The following NKAIN2 variants were observed in gnomAD, a reference collection of about 807,000 sequenced individuals.
NKAIN2 encodes sodium/potassium-transporting ATPase subunit beta-1-interacting protein 2.
A neutral mutation model predicts 32.6 loss-of-function variants in NKAIN2; 14 were observed. The observed-to-expected ratio is 0.43, with a 90% CI of 0.28 to 0.67. The LOEUF (loss-of-function observed/expected upper bound fraction) is 0.67, where lower values mean the gene tolerates loss of function less well. Ranked by LOEUF, NKAIN2 falls within the 30% of genes least tolerant of loss-of-function variation. NKAIN2 has a pLI of 0.17. For missense variants in NKAIN2, 198 were observed against 258.3 expected, an observed-to-expected ratio of 0.77 and a Z score of 1.60; for synonymous variants, 80 against 87.2, an observed-to-expected ratio of 0.92 and a Z score of 0.46.
At chr6:124,375,555 A>G (rs1036992508) in intron 3 of NKAIN2, among the ~76,000 whole-genome samples, 3 of 151,740 alleles carry the variant, frequency 2.0e-5, no homozygotes, top group African/African-American at 7.2e-5. Flanking sequence ...GCTCACCCAG[A>G]AAGTTCTCAC....
chr6:124,149,374 G>T (rs1787583352), intron 1 of NKAIN2, among the ~76,000 whole-genome samples: 1 of 152,228 alleles, frequency 6.6e-6, no homozygotes, highest in Middle Eastern at 3.4e-3. Flanking sequence ...AGATCACAAA[G>T]ATTTGCTCCC....
chr6:124,139,237 C>G (rs1298189268), intron 1 of NKAIN2, among the ~76,000 whole-genome samples: 2 of 149,060 alleles, frequency 1.3e-5, no homozygotes, highest in Non-Finnish European at 3.0e-5. Flanking sequence ...TACAGGCGCC[C>G]GCCACCGCGC....
intron 4 of NKAIN2, among the ~76,000 whole-genome samples, chr6:124,727,426 T>A (rs1776385775): frequency 6.6e-6 from 1 of 150,918 alleles, no homozygotes; most frequent in Non-Finnish European, 1.5e-5. Flanking sequence ...GAAAAGAATT[T>A]TCAACCCAGA....
At chr6:123,910,627 C>T (rs751304745) in intron 1 of NKAIN2, among the ~76,000 whole-genome samples, 1 of 151,344 alleles carries the variant, frequency 6.6e-6, no homozygotes, top group Admixed American at 6.6e-5. Flanking sequence ...CCTCAGCCTC[C>T]TGAGTAGCTG....
At chr6:123,836,493 C>T (rs1472054) in intron 1 of NKAIN2, among the ~76,000 whole-genome samples, 58,746 of 151,648 alleles carry the variant, frequency 0.39, 12,912 homozygotes, top group Middle Eastern at 0.54. Flanking sequence ...TAAAACCAAA[C>T]GGAGGGACCT....
At chr6:124,635,294 T>C (rs1783733758) in intron 3 of NKAIN2, among the ~76,000 whole-genome samples, 1 of 151,814 alleles carries the variant, frequency 6.6e-6, no homozygotes, top group Non-Finnish European at 1.5e-5. Flanking sequence ...CATACAAAAG[T>C]ATATAAAACT....
chr6:123,895,201 A>G (rs367899993), intron 1 of NKAIN2, among the ~76,000 whole-genome samples: 19 of 151,386 alleles, frequency 1.3e-4, no homozygotes, highest in African/African-American at 4.1e-4. Context: ...TCACACAGAC[A>G]CACACACACA....
chr6:124,733,942 G>C (rs1776809364), intron 4 of NKAIN2, among the ~76,000 whole-genome samples: 2 of 151,286 alleles, frequency 1.3e-5, no homozygotes, highest in South Asian at 4.2e-4. Flanking sequence ...CCCAGCTTTT[G>C]GTTTCTAACA....
intron 1 of NKAIN2, among the ~76,000 whole-genome samples, chr6:123,888,657 C>T (rs182792606): frequency 1.1e-4 from 17 of 152,036 alleles, no homozygotes; most frequent in Admixed American, 5.9e-4. Flanking sequence ...TTCCTTTGTT[C>T]GCATTTTTTT....
At chr6:124,194,411 A>G (rs1323729483) in intron 1 of NKAIN2, among the ~76,000 whole-genome samples, 1 of 151,722 alleles carries the variant, frequency 6.6e-6, no homozygotes, top group African/African-American at 2.4e-5. Context: ...TCTTTCATTG[A>G]CGGCATACAT....
At chr6:124,421,091 A>AC (rs1205666346) in intron 3 of NKAIN2, among the ~76,000 whole-genome samples, 8 of 149,882 alleles carry the variant, frequency 5.3e-5, no homozygotes. Context: ...AAAAAAAAAA[A>AC]AAACATGTTT....
chr6:124,602,238 A>G (rs1249961423), intron 3 of NKAIN2, among the ~76,000 whole-genome samples: 1 of 151,988 alleles, frequency 6.6e-6, no homozygotes, highest in Non-Finnish European at 1.5e-5. Flanking sequence ...AGTCCAGTCC[A>G]TGCTTCCTAC....
chr6:123,953,422 C>T (rs1200841767), intron 1 of NKAIN2, among the ~76,000 whole-genome samples: 1 of 152,068 alleles, frequency 6.6e-6, no homozygotes, highest in African/African-American at 2.4e-5. Flanking sequence ...GTTTTCAGGC[C>T]CCTGGGCAGT....
intron 3 of NKAIN2, among the ~76,000 whole-genome samples, chr6:124,374,189 A>G (rs1047106988): frequency 5.9e-5 from 9 of 152,118 alleles, no homozygotes; most frequent in African/African-American, 2.2e-4. Context: ...ATGTAGATGC[A>G]GGCAGACTGG....
chr6:124,371,709 A>AG (rs1554196665), intron 3 of NKAIN2, among the ~76,000 whole-genome samples: 9 of 151,176 alleles, frequency 6.0e-5, no homozygotes, highest in African/African-American at 1.7e-4. Context: ...AAAAAAAAAA[A>AG]AAAGAAAGAA....
At chr6:124,412,949 C>T (rs575155249) in intron 3 of NKAIN2, among the ~76,000 whole-genome samples, 2 of 152,304 alleles carry the variant, frequency 1.3e-5, no homozygotes, top group East Asian at 3.9e-4. Flanking sequence ...GAGCAAGGCT[C>T]CATGGGCGTA....
At chr6:124,058,355 G>A (rs1329843371) in intron 1 of NKAIN2, among the ~76,000 whole-genome samples, 13 of 151,910 alleles carry the variant, frequency 8.6e-5, no homozygotes, top group Admixed American at 8.5e-4. Context: ...TATGAAGAAA[G>A]AATGCCCATC....
intron 1 of NKAIN2, among the ~76,000 whole-genome samples, chr6:124,066,859 CGTTTGTGT>C (rs1339018446): frequency 1.5e-5 from 1 of 65,628 alleles, no homozygotes; most frequent in Non-Finnish European, 2.9e-5. Context: ...CAATTTGCTG[CGTTTGTGT>C]GTGTGTGTGT....
chr6:124,645,048 A>T (rs1328736286), intron 3 of NKAIN2, among the ~76,000 whole-genome samples: 1 of 152,202 alleles, frequency 6.6e-6, no homozygotes, highest in Non-Finnish European at 1.5e-5. Context: ...GAAGATATAC[A>T]CTTACTTATA....
Sources: gnomAD v4.1 joint callset for allele counts (sites outside exome capture counted in the v4.1 genomes callset) on GRCh38, gnomAD v4.1.1 for gene constraint, MANE v1.5 for transcripts, NCBI Gene and HGNC (gene_info 2026-07-23, HGNC 2026-07-21) for gene names.